The following LRRC4C variants were observed in gnomAD, a reference collection of about 807,000 sequenced individuals.
The protein encoded by LRRC4C is leucine-rich repeat-containing protein 4C.
LRRC4C carries 5 observed loss-of-function variants against 33.6 expected under a neutral mutation model. That is an observed-to-expected ratio of 0.15 (90% confidence interval 0.08 to 0.31). LRRC4C has a LOEUF of 0.31. LRRC4C is among the 10% of genes least tolerant of loss of function. LRRC4C has a pLI of 1.00. For missense variants in LRRC4C, 560 were observed against 796.7 expected (o/e 0.70, Z 3.58); for synonymous variants, 329 against 302.0 (o/e 1.09, Z -0.93).
intron 1 of LRRC4C, among the ~76,000 whole-genome samples, chr11:41,051,933 A>C (rs1461794564): frequency 6.6e-6 from 1 of 152,144 alleles, no homozygotes; most frequent in Non-Finnish European, 1.5e-5. Context: ...TAGCCCATTA[A>C]ATTTTATCTT....
intron 2 of LRRC4C, among the ~76,000 whole-genome samples, chr11:40,928,330 C>G (rs1957478984): frequency 6.6e-6 from 1 of 150,818 alleles, no homozygotes; most frequent in Admixed American, 6.6e-5. Flanking sequence ...ATGTATCACA[C>G]AAAATAAAAA....
chr11:40,898,264 G>C (rs1264215401), intron 2 of LRRC4C, among the ~76,000 whole-genome samples: 1 of 141,136 alleles, frequency 7.1e-6, no homozygotes, highest in Non-Finnish European at 1.5e-5. Context: ...TGAGCCAGGA[G>C]AATTGCTTGA....
intron 1 of LRRC4C, among the ~76,000 whole-genome samples, chr11:41,028,278 T>A (rs2068318333): frequency 6.7e-6 from 1 of 148,490 alleles, no homozygotes; most frequent in Admixed American, 6.7e-5. Context: ...ATTAAAAAAA[T>A]ATTCTACAAA....
intron 1 of LRRC4C, among the ~76,000 whole-genome samples, chr11:41,345,404 G>A (rs1429761597): frequency 6.6e-6 from 1 of 152,056 alleles, no homozygotes; most frequent in Non-Finnish European, 1.5e-5. Context: ...TGGTCTTTAG[G>A]ATGCTAATTG....
At chr11:40,611,535 C>T (rs1469218684) in intron 3 of LRRC4C, among the ~76,000 whole-genome samples, 2 of 151,688 alleles carry the variant, frequency 1.3e-5, no homozygotes, top group East Asian at 1.9e-4. Flanking sequence ...TCAAACTAAT[C>T]GCTTCTGCAC....
intron 5 of LRRC4C, among the ~76,000 whole-genome samples, chr11:40,210,814 C>T (rs1039453930): frequency 1.3e-5 from 2 of 152,160 alleles, no homozygotes; most frequent in East Asian, 3.9e-4. Flanking sequence ...ACTCTGTCAC[C>T]CTGGCTGGAG....
chr11:40,732,825 C>T (rs996808318), intron 2 of LRRC4C, among the ~76,000 whole-genome samples: 1 of 152,158 alleles, frequency 6.6e-6, no homozygotes, highest in African/African-American at 2.4e-5. Context: ...GTACTTACTA[C>T]TTTGTCCAGC....
At chr11:41,309,610 C>T (rs368253577) in intron 1 of LRRC4C, among the ~76,000 whole-genome samples, 1 of 152,152 alleles carries the variant, frequency 6.6e-6, no homozygotes, top group African/African-American at 2.4e-5. Context: ...TACAAGATGA[C>T]AGGGTTTCTG....
At chr11:41,161,232 T>G (rs767886880) in intron 1 of LRRC4C, among the ~76,000 whole-genome samples, 6 of 152,188 alleles carry the variant, frequency 3.9e-5, no homozygotes, top group Non-Finnish European at 7.3e-5. Context: ...CCATATGTCC[T>G]GCTTACATAT....
At chr11:40,151,925 T>C (rs1858248167) in intron 5 of LRRC4C, among the ~76,000 whole-genome samples, 1 of 152,304 alleles carries the variant, frequency 6.6e-6, no homozygotes, top group South Asian at 2.1e-4. Flanking sequence ...CTTCAAAATT[T>C]ACATTTATCG....
At chr11:40,601,341 G>T (rs1485635969) in intron 3 of LRRC4C, among the ~76,000 whole-genome samples, 1 of 152,086 alleles carries the variant, frequency 6.6e-6, no homozygotes, top group South Asian at 2.1e-4. Flanking sequence ...CCTTCTTCAT[G>T]GCCATGAGAG....
At chr11:41,239,247 A>C (rs1228630605) in intron 1 of LRRC4C, among the ~76,000 whole-genome samples, 1 of 146,822 alleles carries the variant, frequency 6.8e-6, no homozygotes, top group Admixed American at 7.1e-5. Context: ...GCATGAACCC[A>C]AGAGGCGGAG....
At chr11:41,389,575 A>G (rs1349815612) in intron 1 of LRRC4C, among the ~76,000 whole-genome samples, 2 of 143,462 alleles carry the variant, frequency 1.4e-5, no homozygotes, top group Admixed American at 1.5e-4. Context: ...CCAAAGATAT[A>G]CTTTCCTTAT....
chr11:40,573,766 T>C (rs189037010), intron 3 of LRRC4C, among the ~76,000 whole-genome samples: 3 of 152,308 alleles, frequency 2.0e-5, no homozygotes, highest in Non-Finnish European at 1.5e-5. Flanking sequence ...AGAGGATAAC[T>C]TACTGCACAT....
chr11:40,252,829 G>A (rs184637799), intron 4 of LRRC4C, among the ~76,000 whole-genome samples: 165 of 152,190 alleles, frequency 1.1e-3, no homozygotes, highest in Admixed American at 3.1e-3. Context: ...CTCATAATGT[G>A]CATTATAAAA....
intron 1 of LRRC4C, among the ~76,000 whole-genome samples, chr11:41,018,245 T>C (rs1288585521): frequency 2.0e-5 from 3 of 152,208 alleles, no homozygotes; most frequent in African/African-American, 7.2e-5. Flanking sequence ...AATGCTTACA[T>C]TCACGTGTTC....
At chr11:41,385,742 T>C (rs1288837707) in intron 1 of LRRC4C, among the ~76,000 whole-genome samples, 2 of 151,396 alleles carry the variant, frequency 1.3e-5, no homozygotes, top group Admixed American at 1.3e-4. Context: ...AGAGGAATAG[T>C]GAAAGGAAAA....
intron 2 of LRRC4C, among the ~76,000 whole-genome samples, chr11:40,898,309 G>A (rs1416449624): frequency 1.5e-4 from 18 of 122,702 alleles, no homozygotes; most frequent in African/African-American, 5.7e-4. Context: ...GGCAGAGAAC[G>A]CACCATTGTA....
chr11:40,834,279 C>T (rs1343760509), intron 2 of LRRC4C, among the ~76,000 whole-genome samples: 2 of 151,938 alleles, frequency 1.3e-5, no homozygotes, highest in East Asian at 1.9e-4. Context: ...CGAGACCAGC[C>T]TGCCAACATG....
Sources: gnomAD v4.1 joint callset for allele counts (sites outside exome capture counted in the v4.1 genomes callset) on GRCh38, gnomAD v4.1.1 for gene constraint, MANE v1.5 for transcripts, NCBI Gene and HGNC (gene_info 2026-07-23, HGNC 2026-07-21) for gene names.